EXOC4: variants seen among roughly 807,000 people sequenced by gnomAD.
EXOC4 encodes the protein SEC8-like 1.
A neutral mutation model predicts 107.2 loss-of-function variants in EXOC4; 71 were observed. The observed-to-expected ratio is 0.66, with a 90% CI of 0.55 to 0.81. The LOEUF (loss-of-function observed/expected upper bound fraction) is 0.81, where lower values mean the gene tolerates loss of function less well. Among genes scored for constraint, EXOC4 ranks in the 30% least tolerant of loss-of-function variants. EXOC4 has a pLI of 0.00. For missense variants in EXOC4, 1,108 were observed against 1,189.6 expected (o/e 0.93, Z 1.01); for synonymous variants, 456 against 441.2 (o/e 1.03, Z -0.42).
chr7:133,433,941 A>G (rs1797909915), intron 7 of EXOC4, among the ~76,000 whole-genome samples: 1 of 152,232 alleles, frequency 6.6e-6, no homozygotes, highest in Admixed American at 6.5e-5. Flanking sequence ...TGGATCAGCT[A>G]GTTGTATGTC....
chr7:134,021,648 G>A (rs1356925243), intron 17 of EXOC4, among the ~76,000 whole-genome samples: 1 of 148,208 alleles, frequency 6.7e-6, no homozygotes, highest in Non-Finnish European at 1.5e-5. Context: ...CCATTGCCTG[G>A]AATCTACATG....
rs143674020 is a variant in EXOC4 at position 133,796,526 on chromosome 7, G to C, written c.1515-20799G>C. On this transcript the variant is annotated intron_variant, in intron 10 of 17. Coordinates refer to ENST00000253861, the MANE Select transcript of EXOC4 (RefSeq NM_021807.4). ...TGTAATCCCAGCACTTTGGGAGGCC[G>C]AGGTGGGCGGATCACAAGGTCAAGA... Among the ~76,000 whole-genome samples the C allele has an allele frequency of 5.3e-5, 8 of 152,248 alleles. No homozygotes were observed. In the South Asian group the frequency reaches 1.7e-3, roughly 32 times the overall value.
At chr7:134,036,931 A>G (rs1306770658) in intron 17 of EXOC4, among the ~76,000 whole-genome samples, 1 of 152,200 alleles carries the variant, frequency 6.6e-6, no homozygotes, top group African/African-American at 2.4e-5. Context: ...GTGGTTGTAG[A>G]TAAAATGAAA....
chr7:133,441,435 G>T (rs1325067247), intron 7 of EXOC4, among the ~76,000 whole-genome samples: 1 of 152,178 alleles, frequency 6.6e-6, no homozygotes, highest in African/African-American at 2.4e-5. Context: ...CTGTCACCCA[G>T]TCTGGAGAGC....
intron 11 of EXOC4, among the ~76,000 whole-genome samples, chr7:133,876,272 G>A (rs1464802501): frequency 6.6e-6 from 1 of 150,634 alleles, no homozygotes; most frequent in Non-Finnish European, 1.5e-5. Flanking sequence ...TGTAGAGCAG[G>A]GAATCATATT....
intron 10 of EXOC4, among the ~76,000 whole-genome samples, chr7:133,795,688 A>G (rs2542263): frequency 0.99 from 150,292 of 152,284 alleles, 74,204 homozygotes; most frequent in Middle Eastern, 1. Flanking sequence ...AAGATAAAAC[A>G]CCAAGTATCT....
At chr7:133,558,055 A>G (rs1013729751) in intron 9 of EXOC4, among the ~76,000 whole-genome samples, 2 of 152,148 alleles carry the variant, frequency 1.3e-5, no homozygotes, top group Admixed American at 6.5e-5. Context: ...CCCCTCATGC[A>G]TTGTTTCTGA....
intron 12 of EXOC4, among the ~76,000 whole-genome samples, chr7:133,902,718 G>T (rs1372968508): frequency 6.6e-6 from 1 of 152,056 alleles, no homozygotes; most frequent in East Asian, 1.9e-4. Context: ...AGCCAGGTGT[G>T]TTGGCAGGTG....
intron 14 of EXOC4, among the ~76,000 whole-genome samples, chr7:133,976,806 A>G (rs1046332821): frequency 8.5e-5 from 13 of 152,234 alleles, no homozygotes; most frequent in African/African-American, 3.1e-4. Context: ...CTTAGCTCTT[A>G]TGTCCTAACA....
In EXOC4 at chr7:133,829,384, G is replaced by A. The variant is rs1585181888; in HGVS notation, c.1734+11840G>A. On this transcript the variant is annotated intron_variant, in intron 11 of 17. Transcript: ENST00000253861. ...GCCTTGGCAGTTCAGACAGGATTAGGAGGCAGAGAGCCTGGGGTCCCAGAG... is the reference window on the plus strand; with the variant it reads ...GCCTTGGCAGTTCAGACAGGATTAGAAGGCAGAGAGCCTGGGGTCCCAGAG... Among the ~76,000 whole-genome samples the A allele has an allele frequency of 2.0e-5, 3 of 152,196 alleles. No individual in the cohort carries two copies. The East Asian group carries it at 5.8e-4, about 29-fold the overall frequency.
intron 9 of EXOC4, among the ~76,000 whole-genome samples, chr7:133,535,086 T>C (rs1462138726): frequency 6.6e-6 from 1 of 152,176 alleles, no homozygotes. Context: ...CCGTATTTTA[T>C]TTTTTGAAAA....
chr7:133,723,472 C>CT (rs911698574), intron 10 of EXOC4, among the ~76,000 whole-genome samples: 6 of 105,628 alleles, frequency 5.7e-5, no homozygotes, highest in South Asian at 4.0e-4. Context: ...GGGAGAACAT[C>CT]TTTTTTTTTC....
At chr7:133,993,106 G>C (rs1794300607) in intron 14 of EXOC4, among the ~76,000 whole-genome samples, 2 of 152,050 alleles carry the variant, frequency 1.3e-5, no homozygotes, top group South Asian at 4.2e-4. Flanking sequence ...AATCCCACTT[G>C]ATCACAGTGA....
intron 10 of EXOC4, among the ~76,000 whole-genome samples, chr7:133,763,593 T>C (rs949489899): frequency 6.6e-6 from 1 of 152,074 alleles, no homozygotes; most frequent in African/African-American, 2.4e-5. Flanking sequence ...CACAAGTTTT[T>C]GAATAGCACT....
intron 17 of EXOC4, among the ~76,000 whole-genome samples, chr7:134,036,939 A>G (rs192299431): frequency 1.0e-3 from 157 of 152,304 alleles, no homozygotes; most frequent in Non-Finnish European, 6.9e-4. Context: ...AGATAAAATG[A>G]AACTGCAAGT....
At chr7:133,841,252 A>G (rs1161702577) in intron 11 of EXOC4, among the ~76,000 whole-genome samples, 2 of 152,150 alleles carry the variant, frequency 1.3e-5, no homozygotes, top group Admixed American at 6.5e-5. Flanking sequence ...TCACCTCCCA[A>G]AGTCCCCACC....
rs753589850 is a variant in EXOC4, at chr7:133,269,878, C to T, written c.87-5104C>T. On this transcript the variant is annotated intron_variant, in intron 1 of 17. Transcript: ENST00000253861. ...CCCAGGTTTGAGGTCAGACTCTGCT[C>T]CTTAAAGACTGTGCCTTGAATAAAA... is the stretch of plus-strand genomic sequence containing the variant. Among the ~76,000 whole-genome samples, 97 of 152,250 alleles carry T rather than the reference C, an allele frequency of 6.4e-4. 1 individual carries two copies. Among genetic ancestry groups the T allele is most frequent in the Non-Finnish European group, 1.1e-3 (76 of 68,012 alleles).
intron 10 of EXOC4, among the ~76,000 whole-genome samples, chr7:133,760,707 C>G (rs1796015355): frequency 6.6e-6 from 1 of 150,946 alleles, no homozygotes; most frequent in African/African-American, 2.4e-5. Flanking sequence ...GTATTGTTTT[C>G]ACTATATTAT....
At chr7:133,713,720 C>A (rs1794942791) in intron 10 of EXOC4, among the ~76,000 whole-genome samples, 1 of 151,976 alleles carries the variant, frequency 6.6e-6, no homozygotes, top group African/African-American at 2.4e-5. Flanking sequence ...CTCATGAGAT[C>A]TGATGGTTTT....
Sources: gnomAD v4.1 joint callset for allele counts (sites outside exome capture counted in the v4.1 genomes callset) on GRCh38, gnomAD v4.1.1 for gene constraint, MANE v1.5 for transcripts, NCBI Gene and HGNC (gene_info 2026-07-23, HGNC 2026-07-21) for gene names.